The following YAF2 variants were observed in gnomAD, a reference collection of about 807,000 sequenced individuals.
The protein encoded by YAF2 is YY1 associated factor 2, also known as YY1-associated factor 2.
YAF2 carries 7 observed loss-of-function variants against 20.1 expected under a neutral mutation model. The ratio of observed to expected loss-of-function variants is 0.35; its 90% CI spans 0.20 to 0.65. YAF2 has a LOEUF of 0.65. Ranked by LOEUF, YAF2 falls within the 30% of genes least tolerant of loss-of-function variation. YAF2 has a pLI of 0.69. For missense variants in YAF2, 151 were observed against 219.2 expected (o/e 0.69, Z 1.96); for synonymous variants, 74 against 76.0 (o/e 0.97, Z 0.14).
chr12:42,193,017 A>T (rs1264111700), intron 2 of YAF2, among the ~76,000 whole-genome samples: 1 of 152,174 alleles, frequency 6.6e-6, no homozygotes, highest in Non-Finnish European at 1.5e-5. Context: ...GTCATATAAA[A>T]GTATAGCACC....
At chr12:42,210,669 G>C in intron 2 of YAF2, 1 of 1,535,084 alleles carries the variant, frequency 6.5e-7, no homozygotes, top group Middle Eastern at 1.7e-4. Context: ...AAGTGATCCA[G>C]CTTTTTCTTC....
chr12:42,173,544 C>T (rs576326369), intron 2 of YAF2, among the ~76,000 whole-genome samples: 2 of 152,274 alleles, frequency 1.3e-5, no homozygotes, highest in African/African-American at 4.8e-5. Flanking sequence ...AGGTCACTCT[C>T]AACTTTCCCT....
chr12:42,232,475 A>T (rs1471537271), intron 2 of YAF2: 1 of 985,314 alleles, frequency 1.0e-6, no homozygotes, highest in Non-Finnish European at 1.2e-6. Flanking sequence ...ATATACAATT[A>T]ACCAGTGTGA....
intron 2 of YAF2, among the ~76,000 whole-genome samples, chr12:42,206,755 G>A (rs1370720800): frequency 6.6e-6 from 1 of 151,864 alleles, no homozygotes; most frequent in African/African-American, 2.4e-5. Context: ...TCTGCCAAAT[G>A]TTATCCCACT....
chr12:42,205,916 A>T (rs781317651), intron 2 of YAF2: 3 of 397,952 alleles, frequency 7.5e-6, no homozygotes, highest in South Asian at 5.6e-5. Context: ...TGTAATTTCC[A>T]TTTTTTTAAT....
chr12:42,186,182 T>A (rs1208661702), intron 2 of YAF2, among the ~76,000 whole-genome samples: 1 of 107,660 alleles, frequency 9.3e-6, no homozygotes, highest in Non-Finnish European at 1.8e-5. Flanking sequence ...AGAGCCAAAC[T>A]CTGTCTCAAA....
intron 2 of YAF2, among the ~76,000 whole-genome samples, chr12:42,226,930 G>T (rs2067721894): frequency 6.7e-6 from 1 of 149,974 alleles, no homozygotes; most frequent in Non-Finnish European, 1.5e-5. Flanking sequence ...TCCGGCCATG[G>T]TGGCCGCGGG....
At chr12:42,163,295 G>A (rs1200310801) in intron 2 of YAF2, among the ~76,000 whole-genome samples, 2 of 152,138 alleles carry the variant, frequency 1.3e-5, no homozygotes, top group African/African-American at 4.8e-5. Context: ...GGGATCCCAT[G>A]ATTAAAAGCT....
intron 2 of YAF2, 185 bp downstream of exon 2, chr12:42,237,414 A>G: frequency 7.7e-7 from 1 of 1,292,106 alleles, no homozygotes; most frequent in Non-Finnish European, 9.8e-7. Context: ...CTCTTCAATT[A>G]CCCCTCACCG....
At chr12:42,237,762 C>G in intron 1 of YAF2, 38 bp from the exon 2 acceptor site, 1 of 1,415,146 alleles carries the variant, frequency 7.1e-7, no homozygotes, top group Non-Finnish European at 9.3e-7. Context: ...GGCGCGGGGT[C>G]ACCAGCAGGC....
At chr12:42,167,516 C>T (rs1206031522) in intron 2 of YAF2, among the ~76,000 whole-genome samples, 1 of 152,142 alleles carries the variant, frequency 6.6e-6, no homozygotes, top group Non-Finnish European at 1.5e-5. Flanking sequence ...GGTAGAACCA[C>T]TTGAAAAAGG....
rs188021011 is a variant in YAF2, at chr12:42,157,107, A to G, written c.*3482T>C. On this transcript the variant is annotated 3_prime_UTR_variant, in exon 4 of 4. Coordinates refer to ENST00000534854, the MANE Select transcript of YAF2 (RefSeq NM_005748.6). ...CAGAATACCTGAGACTGGGCAATTT[A>G]TAAAGAAAACAGATTTATTTTGGCT... is the stretch of plus-strand genomic sequence containing the variant. 6.6e-6 allele frequency: 1 copy of G among 152,170 alleles called. No individual in the cohort carries two copies. Among genetic ancestry groups the G allele is most frequent in the East Asian group, 1.9e-4 (1 of 5,182 alleles). 9.4% of individuals were successfully genotyped at this position (152,170 alleles called of 1,614,324 possible).
intron 2 of YAF2, among the ~76,000 whole-genome samples, chr12:42,182,461 T>A (rs767415882): frequency 1.3e-5 from 2 of 152,148 alleles, no homozygotes; most frequent in Non-Finnish European, 2.9e-5. Flanking sequence ...ATCACTTACA[T>A]CAAAACTGAA....
intron 2 of YAF2, among the ~76,000 whole-genome samples, chr12:42,193,272 G>A (rs1326058569): frequency 6.7e-6 from 1 of 150,078 alleles, no homozygotes; most frequent in Non-Finnish European, 1.5e-5. Context: ...CCGAGATTGC[G>A]CTGCTGCACC....
chr12:42,220,872 T>C (rs1358690227), intron 2 of YAF2, among the ~76,000 whole-genome samples: 1 of 152,220 alleles, frequency 6.6e-6, no homozygotes, highest in African/African-American at 2.4e-5. Context: ...GTGATTATAT[T>C]ACTATCAGTG....
At chr12:42,220,753 T>C (rs1193604113) in intron 2 of YAF2, among the ~76,000 whole-genome samples, 8 of 152,170 alleles carry the variant, frequency 5.3e-5, no homozygotes, top group Non-Finnish European at 1.5e-5. Flanking sequence ...CTATAAAACA[T>C]GTAAAGATGA....
intron 2 of YAF2, among the ~76,000 whole-genome samples, chr12:42,181,458 A>T (rs1270391186): frequency 6.6e-6 from 1 of 151,504 alleles, no homozygotes; most frequent in Non-Finnish European, 1.5e-5. Context: ...CTTCTTGCGT[A>T]ATGATCAGAT....
At chr12:42,209,713 A>T (rs1276982816) in intron 2 of YAF2, among the ~76,000 whole-genome samples, 1 of 152,200 alleles carries the variant, frequency 6.6e-6, no homozygotes, top group Non-Finnish European at 1.5e-5. Context: ...AAGCAACATC[A>T]TAAAGAAATG....
chr12:42,234,214 G>A (rs2068072264), intron 2 of YAF2: 1 of 903,608 alleles, frequency 1.1e-6, no homozygotes, highest in Non-Finnish European at 1.3e-6. Flanking sequence ...GAAAAGAAAA[G>A]AAAAGAAAAG....
Sources: allele counts gnomAD v4.1 joint callset (sites outside exome capture counted in the v4.1 genomes callset), GRCh38; gene constraint gnomAD v4.1.1; transcripts MANE v1.5; gene names NCBI Gene and HGNC (gene_info 2026-07-23, HGNC 2026-07-21).